The following OGDHL variants were observed in gnomAD, a reference collection of about 807,000 sequenced individuals.
OGDHL encodes 2-oxoglutarate dehydrogenase-like, mitochondrial.
In OGDHL, 79 loss-of-function variants were observed where a neutral mutation model predicts 109.6. The ratio of observed to expected loss-of-function variants is 0.72; its 90% CI spans 0.60 to 0.87. The LOEUF (loss-of-function observed/expected upper bound fraction) is 0.87, where lower values mean the gene tolerates loss of function less well. Ranked by LOEUF, OGDHL falls within the 40% of genes least tolerant of loss-of-function variation. OGDHL has a pLI of 0.00. For missense variants in OGDHL, 1,275 were observed against 1,362.2 expected (o/e 0.94, Z 1.01); for synonymous variants, 528 against 537.2 (o/e 0.98, Z 0.24).
At chr10:49,740,203 C>T (rs1041177434) in intron 16 of OGDHL, among the ~76,000 whole-genome samples, 5 of 152,110 alleles carry the variant, frequency 3.3e-5, no homozygotes, top group Non-Finnish European at 7.4e-5. Context: ...GGCTGCCTGG[C>T]CTCTAGGGGC....
chr10:49,746,391 C>T (rs865862155), intron 10 of OGDHL, among the ~76,000 whole-genome samples: 2 of 152,218 alleles, frequency 1.3e-5, no homozygotes, highest in Admixed American at 1.3e-4. Flanking sequence ...GCAAACAAGG[C>T]AGTGAACACA....
chr10:49,745,768 C>T (rs1341423291), intron 11 of OGDHL, 30 bp downstream of exon 11: 1 of 1,607,010 alleles, frequency 6.2e-7, no homozygotes, highest in Non-Finnish European at 8.5e-7. Flanking sequence ...GGCCACCCAC[C>T]CATGCCTTGG....
Position 49,746,882 on chromosome 10 carries a change from C to T in OGDHL, c.1168-4G>A. 1 of 1,614,094 alleles carries T rather than the reference C, an allele frequency of 6.2e-7. No homozygotes were observed. Among genetic ancestry groups the T allele is most frequent in the East Asian group, 2.2e-5 (1 of 44,868 alleles). Reference sequence around the variant, plus strand: ...CATGAACCAGGATGGACATGACCTGCAGGGCAGGTGTGAGCCAGGAGGGGC... The same window carrying T: ...CATGAACCAGGATGGACATGACCTGTAGGGCAGGTGTGAGCCAGGAGGGGC... On this transcript the variant is annotated splice_polypyrimidine_tract_variant and splice_region_variant and intron_variant, in intron 9 of 22. Coordinates refer to ENST00000374103, the MANE Select transcript of OGDHL (RefSeq NM_018245.3).
In OGDHL at chr10:49,736,491, C is replaced by A. The variant is rs746706308; in HGVS notation, c.2620G>T (p.Asp874Tyr). 1.2e-6 allele frequency: 2 copies of A among 1,613,698 alleles called. No homozygotes were observed. The highest frequency in any genetic ancestry group is 1.6e-4 in the Middle Eastern group (1 of 6,062). ...TCAGGGGCCCGTGCTGCGGCCCCAT[C>A]TTCAGGAATCACCCGCTGGAAGCTG... ...GTSFQRVIPE[D>Y]GAAARAPEQV... Residue 874 changes from aspartate to tyrosine, a missense_variant, in exon 21 of 23, where the codon GAT becomes TAT. Asp to Tyr is a radical substitution (Grantham distance 160). Coordinates refer to ENST00000374103, the MANE Select transcript of OGDHL (RefSeq NM_018245.3).
chr10:49,752,522 G>T (rs1842672530), intron 4 of OGDHL, 116 bp downstream of exon 4: 1 of 886,124 alleles, frequency 1.1e-6, no homozygotes, highest in East Asian at 2.4e-5. Flanking sequence ...GAGGCCCTGT[G>T]GGCTGCTCCC....
At chr10:49,756,018 G>A (rs12243456) in intron 3 of OGDHL, among the ~76,000 whole-genome samples, 11,680 of 152,222 alleles carry the variant, frequency 0.077, 1,495 homozygotes, top group African/African-American at 0.26. Flanking sequence ...CCAGGTGGGT[G>A]GTGTACAGGG....
chr10:49,762,017 C>G (rs1302721909), intron 1 of OGDHL, among the ~76,000 whole-genome samples: 1 of 152,178 alleles, frequency 6.6e-6, no homozygotes, highest in Non-Finnish European at 1.5e-5. Flanking sequence ...CCGGGTGGTA[C>G]GCGCGCGATG....
chr10:49,738,098 A>T lies in OGDHL; in HGVS notation c.2392-26T>A, dbSNP rs369234365. On this transcript the variant is annotated intron_variant, in intron 18 of 22. Transcript: ENST00000374103. ...CTGTGGGGACGAGATGCATATGGCCAGGGTGGCTGTCTGCTGCACCCACAC... is the reference window on the plus strand; with the variant it reads ...CTGTGGGGACGAGATGCATATGGCCTGGGTGGCTGTCTGCTGCACCCACAC... 6.8e-6 allele frequency: 11 copies of T among 1,613,930 alleles called. No homozygotes were observed. In the African/African-American group the frequency reaches 1.5e-4, roughly 22 times the overall value.
Position 49,740,833 on chromosome 10 carries a change from G to A in OGDHL, c.2017C>T (p.Arg673Trp), listed in dbSNP as rs762846088. ...TCCTGGTCATGGAGAACATGGTGCC[G>A]GTGACTGCAGAGACACAGACCGGGG... is the stretch of plus-strand genomic sequence containing the variant. ...QDVERGTFSH[R>W]HHVLHDQEVD... The change falls in exon 16 of 23, where the codon CGG becomes TGG. Residue 673 changes from arginine (R) to tryptophan (W), a missense_variant. Arg to Trp is a moderately radical substitution (Grantham distance 101, BLOSUM62 -3). Coordinates refer to ENST00000374103, the MANE Select transcript of OGDHL (RefSeq NM_018245.3). 11 of 1,613,680 alleles carry A rather than the reference G, an allele frequency of 6.8e-6. No individual in the cohort carries two copies. In the Admixed American group the frequency reaches 8.3e-5, roughly 12 times the overall value.
At chr10:49,758,763 C>G in intron 1 of OGDHL, 170 bp from the exon 2 acceptor site, 3 of 677,554 alleles carry the variant, frequency 4.4e-6, no homozygotes, top group Non-Finnish European at 7.5e-6. Flanking sequence ...CCTGGGCTTA[C>G]TGTCTGGTGG....
intron 15 of OGDHL, 25 bp downstream of exon 15, chr10:49,742,803 G>T: frequency 1.9e-6 from 3 of 1,604,074 alleles, no homozygotes; most frequent in Non-Finnish European, 2.6e-6. Flanking sequence ...TCTCCTGTGC[G>T]GATGCTGAGC....
intron 20 of OGDHL, among the ~76,000 whole-genome samples, chr10:49,737,214 AAC>A (rs1334456322): frequency 1.3e-5 from 2 of 152,104 alleles, no homozygotes; most frequent in African/African-American, 2.4e-5. Flanking sequence ...GGGACATCCA[AAC>A]ACACATGGGA....
In OGDHL at chr10:49,746,927, A is replaced by G; in HGVS notation, c.1168-49T>C. On this transcript the variant is annotated intron_variant, in intron 9 of 22. Transcript: ENST00000374103. ...AGGGGCTGCGTGCCCCAGCCCATGT[A>G]GCCCAGCCGGCACCTGTACTGTGGA... 2.5e-6 allele frequency: 4 copies of G among 1,612,882 alleles called. No individual in the cohort carries two copies. The South Asian group carries it at 4.4e-5, about 18-fold the overall frequency.
In OGDHL at chr10:49,734,839, AC is replaced by A. The variant is rs2132920344; in HGVS notation, c.*388del. On this transcript the variant is annotated 3_prime_UTR_variant, in exon 23 of 23. Coordinates refer to ENST00000374103, the MANE Select transcript of OGDHL (RefSeq NM_018245.3). Reference sequence around the variant, plus strand: ...CCTACTTCTAAGAGCACAGAAGAGAACATCGCTTTGAATCTACAGATAAGCG... The same window carrying A: ...CCTACTTCTAAGAGCACAGAAGAGAAATCGCTTTGAATCTACAGATAAGCG... 1 of 162,380 alleles carries A rather than the reference AC, an allele frequency of 6.2e-6. No homozygotes were observed. Among genetic ancestry groups the A allele is most frequent in the East Asian group, 1.8e-4 (1 of 5,494 alleles). 10.1% of individuals were successfully genotyped at this position (162,380 alleles called of 1,614,324 possible).
At position 49,740,830 on chromosome 10, in the gene OGDHL, G is replaced by A. The variant is rs1460643424; in HGVS notation, c.2020C>T (p.His674Tyr). The A allele has an allele frequency of 6.2e-7, 1 of 1,613,868 alleles. No individual in the cohort carries two copies. ...ACCTCCTGGTCATGGAGAACATGGT[G>A]CCGGTGACTGCAGAGACACAGACCG... Reference protein sequence around the residue: ...DVERGTFSHRHHVLHDQEVDR... With the variant: ...DVERGTFSHRYHVLHDQEVDR... Residue 674 changes from histidine to tyrosine, a missense_variant, in exon 16 of 23, where the codon CAC becomes TAC. His to Tyr is a moderately conservative substitution (Grantham distance 83). Transcript: ENST00000374103.
At chr10:49,757,048 C>A (rs1842962630) in intron 2 of OGDHL, 102 bp from the exon 3 acceptor site, 3 of 1,197,234 alleles carry the variant, frequency 2.5e-6, no homozygotes, top group Non-Finnish European at 3.5e-6. Flanking sequence ...TCCTTGAGGA[C>A]CACAGCTCTC....
intron 3 of OGDHL, among the ~76,000 whole-genome samples, chr10:49,755,790 C>T (rs1251926727): frequency 1.3e-5 from 2 of 152,206 alleles, no homozygotes; most frequent in Non-Finnish European, 2.9e-5. Context: ...AGATAAGGCC[C>T]TCGGGCAGCA....
At chr10:49,749,863 T>G in intron 7 of OGDHL, 47 bp from the exon 8 acceptor site, 1 of 1,515,490 alleles carries the variant, frequency 6.6e-7, no homozygotes, top group Non-Finnish European at 8.9e-7. Context: ...CCCGCAGGCC[T>G]CAGGGTTCCC....
chr10:49,745,423 A>T lies in OGDHL; in HGVS notation c.1550T>A (p.Ile517Asn). Residue 517 changes from isoleucine to asparagine, a missense_variant, in exon 12 of 23, where the codon ATC becomes AAC. Ile to Asn is a moderately radical substitution (Grantham distance 149, BLOSUM62 -3). Transcript: ENST00000374103. ...MFTQPLMYKQIHRQVPVLKKY... is the reference protein window; with the variant it reads ...MFTQPLMYKQNHRQVPVLKKY... Reference sequence around the variant, plus strand: ...CTTCAGCACAGGCACCTGTCTGTGGATCTGCTTGTACATGAGCGGCTGGGT... The same window carrying T: ...CTTCAGCACAGGCACCTGTCTGTGGTTCTGCTTGTACATGAGCGGCTGGGT... 1.2e-6 allele frequency: 2 copies of T among 1,614,136 alleles called. No homozygotes were observed. Among genetic ancestry groups the T allele is most frequent in the East Asian group, 2.2e-5 (1 of 44,880 alleles).
Sources: allele counts gnomAD v4.1 joint callset (sites outside exome capture counted in the v4.1 genomes callset), GRCh38; gene constraint gnomAD v4.1.1; transcripts MANE v1.5; gene names NCBI Gene and HGNC (gene_info 2026-07-23, HGNC 2026-07-21).